Variants in WDR89 observed in about 807,000 individuals in gnomAD.
WDR89 encodes the protein WD repeat domain 89.
A neutral mutation model predicts 29.1 loss-of-function variants in WDR89; 17 were observed. That is an observed-to-expected ratio of 0.58 (90% CI 0.40 to 0.88). The LOEUF (loss-of-function observed/expected upper bound fraction) is 0.88, where lower values mean the gene tolerates loss of function less well. WDR89 is among the 40% of genes least tolerant of loss of function. The pLI is 0.00. For synonymous variants in WDR89, 138 were observed against 157.8 expected (o/e 0.87, Z 0.94); for missense variants, 396 against 456.3 (o/e 0.87, Z 1.20).
intron 2 of WDR89, among the ~76,000 whole-genome samples, chr14:63,603,905 A>C (rs567348469): frequency 6.6e-6 from 1 of 152,310 alleles, no homozygotes; most frequent in African/African-American, 2.4e-5. Flanking sequence ...CGCCAGACAA[A>C]ATAGCCTTAC....
chr14:63,635,537 A>T (rs1883677525), intron 1 of WDR89, among the ~76,000 whole-genome samples: 1 of 152,228 alleles, frequency 6.6e-6, no homozygotes, highest in Non-Finnish European at 1.5e-5. Context: ...AATGGGGAAA[A>T]GCTGAAAGCA....
chr14:63,610,702 C>CTTT (rs1009799974), intron 2 of WDR89, among the ~76,000 whole-genome samples: 9 of 129,120 alleles, frequency 7.0e-5, no homozygotes, highest in Admixed American at 1.6e-4. Flanking sequence ...CTTTTCTTTT[C>CTTT]TTTTTTTTTT....
rs544348996 is a variant in WDR89, at chr14:63,616,221, G to A, written c.-32+8707C>T. ...CAGCTGCAAGTTGAGCTGTGATTGCGCCACTGCACTCCCGCCTGGGTGACA... is the reference window on the plus strand; with the variant it reads ...CAGCTGCAAGTTGAGCTGTGATTGCACCACTGCACTCCCGCCTGGGTGACA... On this transcript the variant is annotated intron_variant, in intron 2 of 2. Coordinates refer to ENST00000620954, the MANE Select transcript of WDR89 (RefSeq NM_080666.4). Among the ~76,000 whole-genome samples the A allele has an allele frequency of 1.3e-4, 20 of 152,148 alleles. No homozygotes were observed. The South Asian group carries it at 3.5e-3, about 27-fold the overall frequency.
At chr14:63,618,967 A>T (rs1305538561) in intron 2 of WDR89, among the ~76,000 whole-genome samples, 1 of 152,148 alleles carries the variant, frequency 6.6e-6, no homozygotes, top group Non-Finnish European at 1.5e-5. Flanking sequence ...TCAAGTTAAC[A>T]ATGAAATGTG....
Position 63,598,739 on chromosome 14 carries a change from G to C in WDR89, c.*40C>G, listed in dbSNP as rs551554539. ...GGGTAGTAAACAAGAAGGACTATTT[G>C]AAACTATAAAACCTACCAAACAAAG... On this transcript the variant is annotated 3_prime_UTR_variant, in exon 3 of 3. Transcript: ENST00000620954. 3 of 1,503,886 alleles carry C rather than the reference G, an allele frequency of 2.0e-6. No individual in the cohort carries two copies. Among genetic ancestry groups the C allele is most frequent in the South Asian group, 1.4e-5 (1 of 73,438 alleles). The allele number at this position is 1,503,886 out of a possible 1,614,324, so 93.2% of individuals were successfully genotyped here.
Position 63,613,466 on chromosome 14 carries a change from A to AT in WDR89, c.-32+11461dup, listed in dbSNP as rs140947626. ...TTTAGTCATTTCTTTCATACTATTTATTTTTTGTGTATTCCAGCTCTTTTT... is the reference window on the plus strand; with the variant it reads ...TTTAGTCATTTCTTTCATACTATTTATTTTTTTGTGTATTCCAGCTCTTTTT... On this transcript the variant is annotated intron_variant, in intron 2 of 2. Transcript: ENST00000620954. Among the ~76,000 whole-genome samples, 1,109 of 149,332 alleles carry AT rather than the reference A, an allele frequency of 7.4e-3. 10 individuals are homozygous for AT. The highest frequency in any genetic ancestry group is 0.025 in the African/African-American group (1,028 of 40,634).
At chr14:63,630,838 G>A (rs1297596210) in intron 1 of WDR89, 1 of 150,876 alleles carries the variant, frequency 6.6e-6, no homozygotes, top group Non-Finnish European at 1.5e-5. Context: ...CTGTTGTCCA[G>A]GATGCAGTGT....
intron 1 of WDR89, among the ~76,000 whole-genome samples, chr14:63,628,172 A>G (rs1883187686): frequency 6.6e-6 from 1 of 152,214 alleles, no homozygotes. Context: ...TGGGAGGTCG[A>G]GGCTATGCGA....
intron 2 of WDR89, among the ~76,000 whole-genome samples, chr14:63,602,201 A>C (rs1193161704): frequency 6.6e-6 from 1 of 152,190 alleles, no homozygotes; most frequent in East Asian, 1.9e-4. Context: ...TAGGTCAGGC[A>C]TGGTGGCTCA....
At chr14:63,608,037 C>T (rs900708483) in intron 2 of WDR89, among the ~76,000 whole-genome samples, 1 of 151,956 alleles carries the variant, frequency 6.6e-6, no homozygotes, top group Non-Finnish European at 1.5e-5. Context: ...GAAACCCCAT[C>T]TCTACTAAGA....
chr14:63,630,648 A>C (rs1055870067), intron 1 of WDR89: 1 of 152,014 alleles, frequency 6.6e-6, no homozygotes, highest in African/African-American at 2.4e-5. Flanking sequence ...GTCTCACAAA[A>C]AAAAAAAAAA....
intron 2 of WDR89, among the ~76,000 whole-genome samples, chr14:63,619,207 A>C (rs1022114062): frequency 1.3e-5 from 2 of 152,200 alleles, no homozygotes; most frequent in Admixed American, 6.5e-5. Context: ...CCAGCATCCC[A>C]GGCCTGACGC....
rs751893850 is a variant in WDR89, at chr14:63,613,821, CTT to C, written c.-32+11105_-32+11106del. Among the ~76,000 whole-genome samples the C allele has an allele frequency of 4.5e-3, 549 of 121,022 alleles. 4 individuals are homozygous for C. The highest frequency in any genetic ancestry group is 0.014 in the African/African-American group (467 of 33,208). The allele number at this position is 121,022 out of a possible 152,430, so 79.4% of individuals were successfully genotyped here. A position where few individuals can be genotyped will look rare whatever the true frequency, so the allele number is the denominator to read the frequency against. ...GGCCACTGCTGAAATTTTTAAACAT[CTT>C]TTTTTTTTTTTTTTTTTTTTAATAC... is the stretch of plus-strand genomic sequence containing the variant. On this transcript the variant is annotated intron_variant, in intron 2 of 2. Transcript: ENST00000620954.
At chr14:63,625,385 TATTCATCAAACTACATACTTACA>T (rs1227045422) in intron 1 of WDR89, among the ~76,000 whole-genome samples, 5 of 128,764 alleles carry the variant, frequency 3.9e-5, no homozygotes, top group East Asian at 2.1e-4. Flanking sequence ...CACAACTGTG[TATTCATCAAACTACATACTTACA>T]ATTCATCAAA....
At chr14:63,611,822 G>C (rs1882011142) in intron 2 of WDR89, among the ~76,000 whole-genome samples, 1 of 148,518 alleles carries the variant, frequency 6.7e-6, no homozygotes, top group African/African-American at 2.6e-5. Context: ...TGCCTCCTGG[G>C]TTCAAGCAAC....
intron 1 of WDR89, among the ~76,000 whole-genome samples, chr14:63,639,371 A>G (rs1883946547): frequency 6.6e-6 from 1 of 151,736 alleles, no homozygotes; most frequent in Non-Finnish European, 1.5e-5. Flanking sequence ...AAAAAAAAAA[A>G]AAAAAAGGAA....
chr14:63,635,777 A>C (rs552782336), intron 1 of WDR89, among the ~76,000 whole-genome samples: 5 of 152,230 alleles, frequency 3.3e-5, no homozygotes, highest in Non-Finnish European at 5.9e-5. Context: ...GAATCCAGCA[A>C]AACTTTTGGA....
At chr14:63,606,119 T>A (rs1895309635) in intron 2 of WDR89, among the ~76,000 whole-genome samples, 2 of 152,118 alleles carry the variant, frequency 1.3e-5, no homozygotes, top group Admixed American at 1.3e-4. Flanking sequence ...AGCTAATTTT[T>A]GTATTTTTGG....
intron 1 of WDR89, among the ~76,000 whole-genome samples, chr14:63,641,116 G>T (rs991563345): frequency 7.4e-6 from 1 of 135,138 alleles, no homozygotes; most frequent in African/African-American, 2.8e-5. Flanking sequence ...AAAAAAAAAA[G>T]AAAAAGAAAA....
Sources: gnomAD v4.1 joint callset for allele counts (sites outside exome capture counted in the v4.1 genomes callset) on GRCh38, gnomAD v4.1.1 for gene constraint, MANE v1.5 for transcripts, NCBI Gene and HGNC (gene_info 2026-07-23, HGNC 2026-07-21) for gene names.